The following ERICH6B variants were observed in gnomAD, a reference collection of about 807,000 sequenced individuals.
ERICH6B encodes the protein glutamate-rich protein 6B.
ERICH6B carries 69 observed loss-of-function variants against 80.0 expected under a neutral mutation model. The observed-to-expected ratio is 0.86, with a 90% confidence interval of 0.71 to 1.05. The LOEUF (loss-of-function observed/expected upper bound fraction) is 1.05, where lower values mean the gene tolerates loss of function less well. ERICH6B is among the 50% of genes least tolerant of loss of function. The probability of loss-of-function intolerance (pLI) is 0.00; values close to 1 mark genes in which losing one functional copy is unlikely to be tolerated. For synonymous variants in ERICH6B, 283 were observed against 291.9 expected (o/e 0.97, Z 0.31); for missense variants, 754 against 796.1 (o/e 0.95, Z 0.64).
chr13:45,593,406 C>T (rs140356815), intron 3 of ERICH6B, among the ~76,000 whole-genome samples: 2 of 152,274 alleles, frequency 1.3e-5, no homozygotes, highest in Non-Finnish European at 2.9e-5. Flanking sequence ...AATAATAATA[C>T]ATCATGTAAT....
chr13:45,559,713 C>A (rs1431350062), intron 11 of ERICH6B, among the ~76,000 whole-genome samples: 2 of 151,930 alleles, frequency 1.3e-5, no homozygotes, highest in Non-Finnish European at 2.9e-5. Flanking sequence ...TTGAGTATTC[C>A]TTTTGGAGTT....
rs571013765 is a variant in ERICH6B, at chr13:45,613,892, A to G, written c.-111+1793T>C. Among the ~76,000 whole-genome samples the G allele has an allele frequency of 5.9e-5, 9 of 152,320 alleles. No homozygotes were observed. In the South Asian group the frequency reaches 1.5e-3, roughly 25 times the overall value. On this transcript the variant is annotated intron_variant, in intron 1 of 14. Coordinates refer to ENST00000298738, the MANE Select transcript of ERICH6B (RefSeq NM_182542.3). ...ACCACTAAGGTCTAGGAGGAGACCA[A>G]TCGGTGTTGGGCTGGGGGACTCATG...
At chr13:45,552,480 T>C (rs1874261452) in intron 11 of ERICH6B, among the ~76,000 whole-genome samples, 1 of 151,786 alleles carries the variant, frequency 6.6e-6, no homozygotes, top group Non-Finnish European at 1.5e-5. Context: ...ATGCTTCTTA[T>C]GTTTTATTTC....
chr13:45,573,135 T>A (rs1269493287), intron 8 of ERICH6B, among the ~76,000 whole-genome samples: 3 of 152,272 alleles, frequency 2.0e-5, no homozygotes, highest in Middle Eastern at 3.4e-3. Flanking sequence ...TAATAATATA[T>A]GTACCATTCA....
chr13:45,570,922 T>TCGCTC (rs1446283006), intron 8 of ERICH6B, among the ~76,000 whole-genome samples: 62 of 151,846 alleles, frequency 4.1e-4, no homozygotes, highest in African/African-American at 8.2e-4. Flanking sequence ...CGTGTGGCAT[T>TCGCTC]CACTCCACTG....
At chr13:45,589,501 G>A (rs201004970) in intron 4 of ERICH6B, among the ~76,000 whole-genome samples, 3 of 152,144 alleles carry the variant, frequency 2.0e-5, no homozygotes, top group East Asian at 3.9e-4. Context: ...TCCGCCTCCC[G>A]CTGGGTAAAT....
In ERICH6B at chr13:45,577,319, C is replaced by T. The variant is rs141121621; in HGVS notation, c.962-2389G>A. ...TTTTTTTTTGAGACGGAGTATCGCT[C>T]TGTCAGCAGGCTGGAGTGCAGTGGC... On this transcript the variant is annotated intron_variant, in intron 7 of 14. Coordinates refer to ENST00000298738, the MANE Select transcript of ERICH6B (RefSeq NM_182542.3). Among the ~76,000 whole-genome samples the T allele has an allele frequency of 4.7e-3, 540 of 115,150 alleles. 4 individuals carry two copies. The highest frequency in any genetic ancestry group is 0.016 in the African/African-American group (523 of 31,732). 75.5% of individuals were successfully genotyped at this position (115,150 alleles called of 152,430 possible).
intron 4 of ERICH6B, among the ~76,000 whole-genome samples, chr13:45,588,830 A>G (rs1876036216): frequency 6.6e-6 from 1 of 152,154 alleles, no homozygotes. Context: ...CCTGGGCTGA[A>G]CACTAGCCCT....
intron 7 of ERICH6B, 76 bp from the exon 8 acceptor site, chr13:45,575,006 A>C (rs547331588): frequency 1.1e-6 from 1 of 933,694 alleles, no homozygotes; most frequent in Non-Finnish European, 1.7e-6. Context: ...TTTAAAAAGA[A>C]TAGAAATAGA....
chr13:45,608,899 A>G (rs1193472056), intron 1 of ERICH6B, among the ~76,000 whole-genome samples: 2 of 152,198 alleles, frequency 1.3e-5, no homozygotes, highest in African/African-American at 2.4e-5. Context: ...AACCTCTGGT[A>G]TAATTCCCTG....
At chr13:45,580,702 T>C (rs1875620342) in intron 5 of ERICH6B, 37 bp from the exon 6 acceptor site, 1 of 1,545,958 alleles carries the variant, frequency 6.5e-7, no homozygotes, top group Non-Finnish European at 8.8e-7. Context: ...ATTAATGATT[T>C]AAACCTTACA....
chr13:45,587,032 C>T (rs747547043), intron 5 of ERICH6B, 31 bp downstream of exon 5: 35 of 1,541,752 alleles, frequency 2.3e-5, no homozygotes, highest in Admixed American at 1.4e-4. Flanking sequence ...AGCCCGGCTG[C>T]GCCTCACCGA....
intron 1 of ERICH6B, among the ~76,000 whole-genome samples, chr13:45,612,479 TG>T (rs1949905217): frequency 6.6e-6 from 1 of 152,198 alleles, no homozygotes; most frequent in African/African-American, 2.4e-5. Flanking sequence ...GGGGAGATGA[TG>T]GGGAGCTAGC....
intron 11 of ERICH6B, among the ~76,000 whole-genome samples, chr13:45,559,283 A>AT (rs1365856434): frequency 1.3e-5 from 2 of 150,902 alleles, no homozygotes; most frequent in African/African-American, 4.9e-5. Context: ...ATTTATTTGG[A>AT]TTTTCTCTCT....
intron 2 of ERICH6B, among the ~76,000 whole-genome samples, chr13:45,597,313 G>A (rs562356371): frequency 6.6e-6 from 1 of 152,188 alleles, no homozygotes; most frequent in Non-Finnish European, 1.5e-5. Context: ...AAGTCAATGG[G>A]GAGGGCTGGA....
At chr13:45,587,488 C>A (rs1361563427) in intron 4 of ERICH6B, among the ~76,000 whole-genome samples, 1 of 152,160 alleles carries the variant, frequency 6.6e-6, no homozygotes, top group Non-Finnish European at 1.5e-5. Context: ...GGCCACTGGG[C>A]CAGATGGTCA....
intron 1 of ERICH6B, among the ~76,000 whole-genome samples, chr13:45,608,369 G>C (rs1949881604): frequency 6.6e-6 from 1 of 152,146 alleles, no homozygotes; most frequent in Admixed American, 6.5e-5. Flanking sequence ...AGGAATCTGG[G>C]AACAGATTTT....
intron 2 of ERICH6B, among the ~76,000 whole-genome samples, chr13:45,607,039 A>T (rs1223839827): frequency 2.1e-5 from 3 of 140,282 alleles, no homozygotes; most frequent in African/African-American, 6.6e-5. Flanking sequence ...CATTGTAGAT[A>T]AAAAAACAAC....
In ERICH6B at chr13:45,574,880, A is replaced by G; in HGVS notation, c.1012T>C (p.Ser338Pro). The change falls in exon 8 of 15, where the codon TCC (serine) becomes CCC (proline). Residue 338 changes from serine to proline, a missense_variant. By Grantham distance (74) the Ser-to-Pro change is moderately conservative. Transcript: ENST00000298738. ...ENFWDGITDE[S>P]IDKLEVEDLD... ...TCTTCCACTTCCAGCTTGTCAATGGACTCATCTGTTATACCATCCCAAAAG... is the reference window on the plus strand; with the variant it reads ...TCTTCCACTTCCAGCTTGTCAATGGGCTCATCTGTTATACCATCCCAAAAG... 6.4e-7 allele frequency: 1 copy of G among 1,551,274 alleles called. No homozygotes were observed. The highest frequency in any genetic ancestry group is 8.7e-7 in the Non-Finnish European group (1 of 1,146,930).
Sources: gnomAD v4.1 joint callset for allele counts (sites outside exome capture counted in the v4.1 genomes callset) on GRCh38, gnomAD v4.1.1 for gene constraint, MANE v1.5 for transcripts, NCBI Gene and HGNC (gene_info 2026-07-23, HGNC 2026-07-21) for gene names.